The following EYS variants were observed in gnomAD, a reference collection of about 807,000 sequenced individuals.
EYS encodes the protein protein eyes shut homolog.
In EYS, 250 loss-of-function variants were observed where a neutral mutation model predicts 282.1. The observed-to-expected ratio is 0.89, with a 90% CI of 0.80 to 0.98. The LOEUF (loss-of-function observed/expected upper bound fraction) is 0.98. Among genes scored for constraint, EYS ranks in the 50% least tolerant of loss-of-function variants. The probability of loss-of-function intolerance (pLI) is 0.00; values close to 1 mark genes in which losing one functional copy is unlikely to be tolerated. For missense variants in EYS, 4,016 were observed against 3,709.0 expected, an observed-to-expected ratio of 1.08 and a Z score of -2.15; for synonymous variants, 1,355 against 1,282.9, an observed-to-expected ratio of 1.06 and a Z score of -1.20.
intron 41 of EYS, among the ~76,000 whole-genome samples, chr6:63,745,246 A>C (rs1344735433): frequency 6.6e-6 from 1 of 152,210 alleles, no homozygotes; most frequent in Non-Finnish European, 1.5e-5. Flanking sequence ...CTGGAACCCT[A>C]AAGATACACT....
At chr6:63,852,804 C>T (rs1025475783) in intron 36 of EYS, among the ~76,000 whole-genome samples, 2 of 152,134 alleles carry the variant, frequency 1.3e-5, no homozygotes, top group African/African-American at 4.8e-5. Context: ...CGACTTCATC[C>T]CTGGGATGCA....
At chr6:65,581,863 C>A (rs897603122) in intron 2 of EYS, among the ~76,000 whole-genome samples, 1 of 151,736 alleles carries the variant, frequency 6.6e-6, no homozygotes, top group Non-Finnish European at 1.5e-5. Context: ...CACTGTGATT[C>A]CTATTGGTGA....
chr6:65,529,828 A>G (rs889292964), intron 2 of EYS, among the ~76,000 whole-genome samples: 1 of 152,182 alleles, frequency 6.6e-6, no homozygotes, highest in African/African-American at 2.4e-5. Context: ...ATGTGAGGAC[A>G]CAGTGAGAAT....
chr6:64,896,554 T>G (rs12208996), intron 18 of EYS, among the ~76,000 whole-genome samples: 36 of 99,746 alleles, frequency 3.6e-4, no homozygotes, highest in Non-Finnish European at 6.2e-4. Context: ...TGTTTTTTTT[T>G]TTTTTTTTTC....
chr6:64,546,742 C>T (rs7751113), intron 26 of EYS, among the ~76,000 whole-genome samples: 2,419 of 152,260 alleles, frequency 0.016, 60 homozygotes, highest in African/African-American at 0.056. Context: ...AAAAAGAAGA[C>T]ATTTATGCAG....
rs1011068341 is a variant in EYS at position 64,767,113 on chromosome 6, T to C, written c.3443+46265A>G. Among the ~76,000 whole-genome samples the C allele has an allele frequency of 8.1e-4, 119 of 147,262 alleles. 2 individuals are homozygous for C. The highest frequency in any genetic ancestry group is 2.6e-3 in the African/African-American group (96 of 36,918). On this transcript the variant is annotated intron_variant, in intron 22 of 42. Transcript: ENST00000503581. ...TAAAGGTAAAATTGTATTTTTTCCT[T>C]TTTACATTAGTTTTCATAAGTGAAT...
intron 26 of EYS, among the ~76,000 whole-genome samples, chr6:64,536,474 G>C (rs1764522501): frequency 6.6e-6 from 1 of 152,216 alleles, no homozygotes. Flanking sequence ...ACCTCAACTT[G>C]AGTTGAGTCA....
chr6:63,805,801 C>T (rs1278780819), intron 37 of EYS, among the ~76,000 whole-genome samples: 2 of 152,292 alleles, frequency 1.3e-5, no homozygotes, highest in South Asian at 2.1e-4. Context: ...TTACTAGGCA[C>T]GTCTTCCTGC....
chr6:64,635,759 A>T (rs1767954239), intron 22 of EYS, among the ~76,000 whole-genome samples: 1 of 152,208 alleles, frequency 6.6e-6, no homozygotes, highest in Non-Finnish European at 1.5e-5. Context: ...ATCAATGTTC[A>T]TCAAGGATAT....
At chr6:65,128,875 G>T (rs1775790214) in intron 12 of EYS, among the ~76,000 whole-genome samples, 1 of 151,910 alleles carries the variant, frequency 6.6e-6, no homozygotes, top group African/African-American at 2.4e-5. Flanking sequence ...TAAGCAAAAA[G>T]AACAATGCTG....
At chr6:63,903,988 T>C (rs569313352) in intron 35 of EYS, among the ~76,000 whole-genome samples, 1 of 152,350 alleles carries the variant, frequency 6.6e-6, no homozygotes, top group South Asian at 2.1e-4. Context: ...ATAGCCCTCC[T>C]CCTGCCAAAA....
At chr6:65,287,817 T>C (rs1401447020) in intron 12 of EYS, among the ~76,000 whole-genome samples, 1 of 151,276 alleles carries the variant, frequency 6.6e-6, no homozygotes, top group East Asian at 1.9e-4. Flanking sequence ...AAAGGACTCA[T>C]AAGAATCTTC....
intron 5 of EYS, among the ~76,000 whole-genome samples, chr6:65,469,590 TTG>T (rs563256006): frequency 1.2e-3 from 185 of 152,230 alleles, no homozygotes; most frequent in Middle Eastern, 6.8e-3. Context: ...AAATCAAATT[TTG>T]TTTTTCTTTT....
At chr6:64,501,686 ACGTAAAACC>A (rs1777049453) in intron 26 of EYS, among the ~76,000 whole-genome samples, 1 of 152,194 alleles carries the variant, frequency 6.6e-6, no homozygotes, top group African/African-American at 2.4e-5. Context: ...AATTTTAAGG[ACGTAAAACC>A]AGATAAGTAT....
intron 5 of EYS, among the ~76,000 whole-genome samples, chr6:65,476,553 T>C (rs1017763266): frequency 6.6e-6 from 1 of 152,106 alleles, no homozygotes; most frequent in Non-Finnish European, 1.5e-5. Context: ...TCAGGAAATG[T>C]TCATTTATTA....
At chr6:64,229,261 C>T (rs1007819773) in intron 31 of EYS, among the ~76,000 whole-genome samples, 2 of 151,968 alleles carry the variant, frequency 1.3e-5, no homozygotes, top group South Asian at 2.1e-4. Context: ...GGCGGCAGAG[C>T]GAGACTCCAT....
intron 35 of EYS, among the ~76,000 whole-genome samples, chr6:63,894,676 G>C (rs1773490706): frequency 6.6e-6 from 1 of 151,834 alleles, no homozygotes; most frequent in South Asian, 2.1e-4. Flanking sequence ...CTGCCTCCTG[G>C]GTTCAAGCGA....
intron 36 of EYS, among the ~76,000 whole-genome samples, chr6:63,848,036 A>C (rs1772144907): frequency 6.6e-6 from 1 of 152,182 alleles, no homozygotes; most frequent in Admixed American, 6.5e-5. Flanking sequence ...AAATTACAGC[A>C]CAGAGAAGGG....
chr6:64,258,504 A>C (rs1767479085), intron 30 of EYS, among the ~76,000 whole-genome samples: 1 of 152,060 alleles, frequency 6.6e-6, no homozygotes, highest in Admixed American at 6.6e-5. Context: ...AACAAACAAA[A>C]GAAAAAAGTG....
Sources: gnomAD v4.1 joint callset for allele counts (sites outside exome capture counted in the v4.1 genomes callset) on GRCh38, gnomAD v4.1.1 for gene constraint, MANE v1.5 for transcripts, NCBI Gene and HGNC (gene_info 2026-07-23, HGNC 2026-07-21) for gene names.